EML6: variants seen among roughly 807,000 people sequenced by gnomAD.
EML6 encodes the protein EMAP like 6, also known as echinoderm microtubule-associated protein-like 6.
Under a neutral mutation model 240.1 loss-of-function variants are expected in EML6, and 154 were observed. The observed-to-expected ratio is 0.64, with a 90% CI of 0.56 to 0.73. The LOEUF is 0.73. EML6 is among the 30% of genes least tolerant of loss of function. The pLI, the probability that EML6 is intolerant of heterozygous loss-of-function variation, is 0.00. For synonymous variants in EML6, 1,148 were observed against 899.0 expected (o/e 1.28, Z -4.95); for missense variants, 2,964 against 2,474.6 (o/e 1.20, Z -4.20).
intron 2 of EML6, among the ~76,000 whole-genome samples, chr2:54,758,590 C>T (rs1236591779): frequency 5.3e-5 from 8 of 152,164 alleles, no homozygotes; most frequent in South Asian, 2.1e-4. Context: ...CTTCCTCCAA[C>T]GTAGTACTTA....
chr2:54,884,796 A>G (rs74904397), intron 17 of EML6, among the ~76,000 whole-genome samples: 1,975 of 152,304 alleles, frequency 0.013, 53 homozygotes, highest in African/African-American at 0.045. Context: ...AATTTTCTGT[A>G]CTTGTTATTT....
chr2:54,830,152 A>C (rs1357774856), intron 7 of EML6, among the ~76,000 whole-genome samples: 1 of 152,250 alleles, frequency 6.6e-6, no homozygotes. Flanking sequence ...ATCAGAATAC[A>C]ATACATCTTT....
chr2:54,762,710 C>T (rs73934840), intron 2 of EML6, among the ~76,000 whole-genome samples: 6,780 of 152,246 alleles, frequency 0.045, 487 homozygotes, highest in African/African-American at 0.15. Context: ...GTCCTTCTGA[C>T]ATGCTTTATA....
intron 12 of EML6, among the ~76,000 whole-genome samples, chr2:54,862,675 G>GAC (rs1275505280): frequency 2.0e-5 from 3 of 152,172 alleles, no homozygotes; most frequent in Non-Finnish European, 4.4e-5. Context: ...AAGCGCAAAG[G>GAC]ACACGAGTAA....
chr2:54,843,620 G>A (rs1025821969), intron 7 of EML6, among the ~76,000 whole-genome samples: 38 of 151,906 alleles, frequency 2.5e-4, no homozygotes, highest in South Asian at 8.3e-4. Context: ...CGAGGCGGGC[G>A]GATCACGAGG....
At position 54,892,632 on chromosome 2, in the gene EML6, GT is replaced by G; in HGVS notation, c.2721del (p.Phe907LeufsTer11). On this transcript the variant is annotated frameshift_variant, in exon 19 of 42. Coordinates refer to ENST00000356458, the MANE Select transcript of EML6 (RefSeq NM_001039753.4). LOFTEE classifies it high-confidence loss of function. Reference sequence around the variant, plus strand: ...CAGTGAAAGCTCATGATGGGCCTGTGTTTGCTATGTATGCACTGGATAAGGT... The same window carrying G: ...CAGTGAAAGCTCATGATGGGCCTGTGTTGCTATGTATGCACTGGATAAGGT... ...KTVKAHDGPV[F>X]AMYALDKGFV... 1 of 1,551,648 alleles carries G rather than the reference GT, an allele frequency of 6.4e-7. No homozygotes were observed. Among genetic ancestry groups the G allele is most frequent in the Non-Finnish European group, 8.7e-7 (1 of 1,146,790 alleles).
chr2:54,745,671 C>G (rs758643795), intron 2 of EML6, among the ~76,000 whole-genome samples: 1 of 152,074 alleles, frequency 6.6e-6, no homozygotes. Context: ...GTCACAGCTG[C>G]TTGGGAGGCT....
intron 3 of EML6, among the ~76,000 whole-genome samples, chr2:54,815,966 G>GTCC (rs1289340904): frequency 6.6e-6 from 1 of 152,124 alleles, no homozygotes; most frequent in Non-Finnish European, 1.5e-5. Flanking sequence ...CAGAAGGAAT[G>GTCC]ATTATTTTTT....
chr2:54,843,990 GT>G, intron 7 of EML6, 56 bp from the exon 8 acceptor site: 2 of 1,071,904 alleles, frequency 1.9e-6, no homozygotes, highest in Non-Finnish European at 2.8e-6. Flanking sequence ...GTGTGTGTGT[GT>G]GTGTGTGTGT....
intron 2 of EML6, among the ~76,000 whole-genome samples, chr2:54,785,702 T>C (rs1002490996): frequency 9.2e-5 from 14 of 152,218 alleles, no homozygotes; most frequent in African/African-American, 3.1e-4. Flanking sequence ...GTATAAATTT[T>C]ATGGTAGCAA....
intron 18 of EML6, among the ~76,000 whole-genome samples, 152 bp downstream of exon 18, chr2:54,891,306 C>T (rs1348650880): frequency 7.9e-5 from 12 of 152,200 alleles, no homozygotes; most frequent in Non-Finnish European, 1.6e-4. Flanking sequence ...TCGCTTAGAA[C>T]GCTTGAAGCT....
intron 19 of EML6, among the ~76,000 whole-genome samples, chr2:54,894,563 G>C (rs1285436661): frequency 2.0e-5 from 3 of 152,138 alleles, no homozygotes; most frequent in African/African-American, 4.8e-5. Flanking sequence ...TGAGATACCA[G>C]AAACTCTGCT....
intron 17 of EML6, among the ~76,000 whole-genome samples, chr2:54,883,921 A>AG (rs1671979085): frequency 6.6e-6 from 1 of 152,230 alleles, no homozygotes; most frequent in South Asian, 2.1e-4. Flanking sequence ...GACATAGAGT[A>AG]GGACAACAAA....
At chr2:54,889,665 G>T (rs1168031960) in intron 17 of EML6, among the ~76,000 whole-genome samples, 2 of 151,782 alleles carry the variant, frequency 1.3e-5, no homozygotes, top group Non-Finnish European at 2.9e-5. Context: ...TGTCTTATTT[G>T]TAGTCATTTT....
intron 2 of EML6, among the ~76,000 whole-genome samples, chr2:54,797,167 A>AAAAAAAAACAAAAAAAAAAAAC (rs1669838251): frequency 2.6e-5 from 3 of 114,018 alleles, no homozygotes; most frequent in African/African-American, 6.4e-5. Flanking sequence ...TCCATCTCAA[A>AAAAAAAAACAAAAAAAAAAAAC]AAAAAAAAAA....
intron 11 of EML6, 31 bp from the exon 12 acceptor site, chr2:54,859,503 T>TA (rs1670564565): frequency 6.5e-7 from 1 of 1,533,640 alleles, no homozygotes; most frequent in African/African-American, 1.4e-5. Flanking sequence ...TCTTTTTTCA[T>TA]AACTAATCCT....
chr2:54,947,538 AC>A (rs35351257), intron 28 of EML6, among the ~76,000 whole-genome samples: 7,087 of 152,226 alleles, frequency 0.047, 212 homozygotes, highest in Non-Finnish European at 0.057. Flanking sequence ...AGGCAGGCTG[AC>A]CTACCAAGAA....
At chr2:54,803,416 T>G (rs1467161181) in intron 2 of EML6, among the ~76,000 whole-genome samples, 1 of 152,178 alleles carries the variant, frequency 6.6e-6, no homozygotes, top group South Asian at 2.1e-4. Flanking sequence ...ATCATTGGGC[T>G]TTTTTCTCGG....
Position 54,899,690 on chromosome 2 carries a change from C to CCAT in EML6, c.3034_3036dup (p.Ile1012dup), listed in dbSNP as rs1558664926. The CCAT allele has an allele frequency of 1.3e-6, 2 of 1,553,848 alleles. No individual in the cohort carries two copies. The highest frequency in any genetic ancestry group is 1.7e-6 in the Non-Finnish European group (2 of 1,148,132). Reference sequence around the variant, plus strand: ...GGGTTGGCAGCTCACCCTCTCCTGCCCATCTGTGCAACAGTGAGCGATGAT... The same window carrying CCAT: ...GGGTTGGCAGCTCACCCTCTCCTGCCCATCATCTGTGCAACAGTGAGCGATGAT... On this transcript the variant is annotated inframe_insertion, in exon 22 of 42. Transcript: ENST00000356458.
Sources: allele counts gnomAD v4.1 joint callset (sites outside exome capture counted in the v4.1 genomes callset), GRCh38; gene constraint gnomAD v4.1.1; transcripts MANE v1.5; gene names NCBI Gene and HGNC (gene_info 2026-07-23, HGNC 2026-07-21).